The following KANK4 variants were observed in gnomAD, a reference collection of about 807,000 sequenced individuals.
KANK4 encodes KN motif and ankyrin repeat domain-containing protein 4.
Under a neutral mutation model 80.8 loss-of-function variants are expected in KANK4, and 50 were observed. The ratio of observed to expected loss-of-function variants is 0.62; its 90% confidence interval spans 0.49 to 0.78. KANK4 has a LOEUF of 0.78. Ranked by LOEUF, KANK4 falls within the 30% of genes least tolerant of loss-of-function variation. The pLI is 0.00. For synonymous variants in KANK4, 465 were observed against 506.9 expected, an observed-to-expected ratio of 0.92 and a Z score of 1.11; for missense variants, 1,196 against 1,240.1, an observed-to-expected ratio of 0.96 and a Z score of 0.53.
At chr1:62,257,099 T>A (rs992225704) in intron 7 of KANK4, among the ~76,000 whole-genome samples, 2 of 152,102 alleles carry the variant, frequency 1.3e-5, no homozygotes, top group Non-Finnish European at 2.9e-5. Flanking sequence ...ATTTACTTAT[T>A]ATTTTTGAGA....
rs543583531 is a variant in KANK4 at position 62,274,413 on chromosome 1, C to T, written c.691G>A (p.Gly231Arg). The T allele has an allele frequency of 2.5e-6, 4 of 1,614,188 alleles. No homozygotes were observed. The highest frequency in any genetic ancestry group is 2.7e-5 in the African/African-American group (2 of 75,056). Residue 231 changes from glycine (G) to arginine (R), a missense_variant, in exon 3 of 10, where the codon GGA becomes AGA. Coordinates refer to ENST00000371153, the MANE Select transcript of KANK4 (RefSeq NM_181712.5). ...ACCACACCCTCTGGAGGCTCAGCTC[C>T]CTCCTGGACCAGCTCTGGAATCCGA... ...STRIPELVQE[G>R]AEPPEGVVKV...
At chr1:62,314,006 TTTTGTTTTGA>T (rs1030719319) in intron 1 of KANK4, among the ~76,000 whole-genome samples, 2 of 152,044 alleles carry the variant, frequency 1.3e-5, no homozygotes, top group Non-Finnish European at 2.9e-5. Flanking sequence ...TTTTGTTTTG[TTTTGTTTTGA>T]TTTGTTTTGT....
chr1:62,296,246 C>T lies in KANK4; in HGVS notation c.-70-14612G>A, dbSNP rs1056080264. Among the ~76,000 whole-genome samples the T allele has an allele frequency of 2.0e-5, 3 of 152,298 alleles. No homozygotes were observed. The East Asian group carries it at 5.8e-4, about 29-fold the overall frequency. On this transcript the variant is annotated intron_variant, in intron 1 of 9. Transcript: ENST00000371153. Reference sequence around the variant, plus strand: ...GTGTCTATTTCCAGCAGAGTGACTGCCCCAGCAGCAGTGTGTGCCGTTCCC... The same window carrying T: ...GTGTCTATTTCCAGCAGAGTGACTGTCCCAGCAGCAGTGTGTGCCGTTCCC...
chr1:62,307,075 C>G (rs1297018145), intron 1 of KANK4, among the ~76,000 whole-genome samples: 1 of 152,208 alleles, frequency 6.6e-6, no homozygotes, highest in Admixed American at 6.5e-5. Context: ...ACCCGTCATT[C>G]CATCTTTCCA....
intron 4 of KANK4, among the ~76,000 whole-genome samples, chr1:62,270,359 A>G (rs1315962011): frequency 6.6e-6 from 1 of 151,036 alleles, no homozygotes; most frequent in East Asian, 1.9e-4. Flanking sequence ...TGTGACACCC[A>G]GTTCATCATT....
At chr1:62,243,579 TCCA>T (rs1671396670) in intron 9 of KANK4, among the ~76,000 whole-genome samples, 1 of 152,108 alleles carries the variant, frequency 6.6e-6, no homozygotes, top group East Asian at 1.9e-4. Flanking sequence ...CCTCAAGTGA[TCCA>T]CCCGCCTCGG....
At chr1:62,271,727 A>C (rs1672168727) in intron 3 of KANK4, 138 bp from the exon 4 acceptor site, 3 of 631,008 alleles carry the variant, frequency 4.8e-6, no homozygotes, top group Admixed American at 2.6e-5. Flanking sequence ...AGATCATGTA[A>C]ATCAATGTTT....
At chr1:62,272,333 TACAC>T (rs1460388301) in intron 3 of KANK4, 2 of 152,260 alleles carry the variant, frequency 1.3e-5, no homozygotes, top group African/African-American at 4.8e-5. Context: ...CACATGCACG[TACAC>T]ACACACATGC....
At chr1:62,303,541 T>C (rs916027975) in intron 1 of KANK4, among the ~76,000 whole-genome samples, 1 of 152,004 alleles carries the variant, frequency 6.6e-6, no homozygotes, top group Admixed American at 6.5e-5. Context: ...TAAGTCGTCT[T>C]GGTTCATAAC....
intron 1 of KANK4, among the ~76,000 whole-genome samples, chr1:62,311,363 A>G (rs546726257): frequency 6.6e-6 from 1 of 152,260 alleles, no homozygotes; most frequent in East Asian, 1.9e-4. Context: ...TGCTATATTC[A>G]AAGGTCTTGG....
intron 7 of KANK4, among the ~76,000 whole-genome samples, chr1:62,256,884 A>G (rs1671764815): frequency 6.6e-6 from 1 of 152,154 alleles, no homozygotes; most frequent in African/African-American, 2.4e-5. Context: ...ACGGAAGTGA[A>G]CGTTTGCACT....
At position 62,263,189 on chromosome 1, in the gene KANK4, T is replaced by C. The variant is rs2260581; in HGVS notation, c.2442A>G (p.Lys814=). 0.73 allele frequency: 1,182,486 copies of C among 1,611,242 alleles called. 437,007 individuals are homozygous for C. The highest frequency in any genetic ancestry group is 0.84 in the Admixed American group (50,063 of 59,906). Reference sequence around the variant, plus strand: ...TGTGATCGGCCAAGTTGACAAGCAGTTTCAGGAAGTGTGGGGAGTGAGGCT... The same window carrying C: ...TGTGATCGGCCAAGTTGACAAGCAGCTTCAGGAAGTGTGGGGAGTGAGGCT... ...EVQPHSPHFL[K]LLVNLADHNG... Residue 814 remains lysine (K), a synonymous_variant, in exon 7 of 10, where the codon AAA becomes AAG. Coordinates refer to ENST00000371153, the MANE Select transcript of KANK4 (RefSeq NM_181712.5).
intron 1 of KANK4, among the ~76,000 whole-genome samples, chr1:62,305,522 G>A (rs1644444431): frequency 6.6e-6 from 1 of 152,018 alleles, no homozygotes; most frequent in South Asian, 2.1e-4. Context: ...TGTTGGCCAG[G>A]CTGGTCTTGA....
intron 2 of KANK4, among the ~76,000 whole-genome samples, chr1:62,275,715 T>C (rs1017250345): frequency 6.6e-6 from 1 of 152,150 alleles, no homozygotes; most frequent in Non-Finnish European, 1.5e-5. Flanking sequence ...TGGCCTACGC[T>C]CTTTGCATGT....
intron 1 of KANK4, among the ~76,000 whole-genome samples, chr1:62,289,364 A>G (rs570260991): frequency 1.3e-5 from 2 of 152,290 alleles, no homozygotes; most frequent in South Asian, 2.1e-4. Context: ...GCTCTTAACC[A>G]TGGTACAGCA....
In KANK4 at chr1:62,266,923, C is replaced by T; in HGVS notation, c.2232-104G>A. The stretch of plus-strand genomic sequence containing the variant: ...TTTCACATCTCAGCAGCTCAAAAAT[C>T]CAAACTGGGCAACTGCCCTAGGAGA... On this transcript the variant is annotated intron_variant, in intron 5 of 9. Transcript: ENST00000371153. The T allele has an allele frequency of 1.5e-5, 11 of 718,522 alleles. No individual in the cohort carries two copies. The South Asian group carries it at 2.0e-4, about 13-fold the overall frequency. 44.5% of individuals were successfully genotyped at this position (718,522 alleles called of 1,614,324 possible).
At chr1:62,262,569 T>C (rs1354815358) in intron 7 of KANK4, among the ~76,000 whole-genome samples, 1 of 152,100 alleles carries the variant, frequency 6.6e-6, no homozygotes, top group East Asian at 1.9e-4. Context: ...GAAAATGTTA[T>C]ATATATAAAA....
rs143319134 is a variant in KANK4, at chr1:62,261,307, C to T, written c.2539+1785G>A. 3.4e-3 allele frequency among the ~76,000 whole-genome samples: 517 copies of T among 152,044 alleles called. 4 individuals carry two copies. Among genetic ancestry groups the T allele is most frequent in the African/African-American group, 0.012 (493 of 41,478 alleles). On this transcript the variant is annotated intron_variant, in intron 7 of 9. Transcript: ENST00000371153. Reference sequence around the variant, plus strand: ...CTGAGTAGCTAGGATTACAGGCATGCGTCACTACCACCCAGCTAATTTTTG... The same window carrying T: ...CTGAGTAGCTAGGATTACAGGCATGTGTCACTACCACCCAGCTAATTTTTG...
chr1:62,300,735 G>A (rs533752256), intron 1 of KANK4, among the ~76,000 whole-genome samples: 3 of 152,108 alleles, frequency 2.0e-5, no homozygotes, highest in Admixed American at 1.3e-4. Context: ...GGAACAAGAC[G>A]AAAGCTGGGT....
Sources: gnomAD v4.1 joint callset for allele counts (sites outside exome capture counted in the v4.1 genomes callset) on GRCh38, gnomAD v4.1.1 for gene constraint, MANE v1.5 for transcripts, NCBI Gene and HGNC (gene_info 2026-07-23, HGNC 2026-07-21) for gene names.